RASL12: variants seen among roughly 807,000 people sequenced by gnomAD.
The protein encoded by RASL12 is ras-like protein family member 12.
Under a neutral mutation model 22.9 loss-of-function variants are expected in RASL12, and 16 were observed. The ratio of observed to expected loss-of-function variants is 0.70; its 90% CI spans 0.47 to 1.06. The LOEUF (loss-of-function observed/expected upper bound fraction) is 1.06, where lower values mean the gene tolerates loss of function less well. Among genes scored for constraint, RASL12 ranks in the 50% least tolerant of loss-of-function variants. RASL12 has a pLI of 0.00. For synonymous variants in RASL12, 159 were observed against 152.2 expected (o/e 1.04, Z -0.33); for missense variants, 306 against 353.1 (o/e 0.87, Z 1.07).
chr15:65,060,908 A>T (rs1343347501), intron 2 of RASL12, among the ~76,000 whole-genome samples: 1 of 152,210 alleles, frequency 6.6e-6, no homozygotes. Context: ...GGACTTGGAT[A>T]AATAGCTGCT....
chr15:65,055,915 A>T (rs902422568), intron 4 of RASL12, among the ~76,000 whole-genome samples: 1 of 152,168 alleles, frequency 6.6e-6, no homozygotes, highest in African/African-American at 2.4e-5. Flanking sequence ...AGGAGAGGGC[A>T]GGGGGGACAA....
chr15:65,067,374 T>A (rs1350555139), intron 1 of RASL12, among the ~76,000 whole-genome samples: 1 of 138,470 alleles, frequency 7.2e-6, no homozygotes, highest in Non-Finnish European at 1.6e-5. Context: ...GGGGTGGGGG[T>A]TGGAAGGTTG....
upstream of RASL12, chr15:65,068,057 T>G: frequency 2.1e-5 from 23 of 1,078,540 alleles, no homozygotes; most frequent in East Asian, 6.1e-5. The surrounding 1 kb of genome is among the most constrained non-coding windows in gnomAD (Gnocchi z 4.2). Flanking sequence ...CGCCACCAAA[T>G]TCCTTGTAAG....
At chr15:65,065,337 T>C in intron 1 of RASL12, 64 bp from the exon 2 acceptor site, 1 of 1,486,326 alleles carries the variant, frequency 6.7e-7, no homozygotes, top group Admixed American at 1.9e-5. Flanking sequence ...GGCCCCTCGT[T>C]TAAGGGAGGC....
chr15:65,055,469 CA>C (rs1387641001), intron 4 of RASL12, among the ~76,000 whole-genome samples, 195 bp from the exon 5 acceptor site: 2 of 152,234 alleles, frequency 1.3e-5, no homozygotes, highest in African/African-American at 4.8e-5. Flanking sequence ...TTACGAAAGA[CA>C]ATTTGTTTCA....
the RASL12 span, among the ~76,000 whole-genome samples, chr15:65,047,310 TG>T: frequency 2.5e-4 from 37 of 150,888 alleles, no homozygotes; most frequent in East Asian, 5.8e-4. Flanking sequence ...CACTCCAGCC[TG>T]GGCAGCAAAA....
intron 2 of RASL12, among the ~76,000 whole-genome samples, chr15:65,061,943 G>A (rs549529720): frequency 7.2e-4 from 110 of 151,848 alleles, no homozygotes; most frequent in Non-Finnish European, 8.2e-4. Flanking sequence ...CCAGCTACTC[G>A]GGTGGCAGGC....
chr15:65,054,576 G>A lies in RASL12; in HGVS notation c.*323C>T. Reference sequence around the variant, plus strand: ...AGCTGGCCCAACTGTAGCTGGAGCAGGAAGGGCTGATGGCAGCAGGATAGA... The same window carrying A: ...AGCTGGCCCAACTGTAGCTGGAGCAAGAAGGGCTGATGGCAGCAGGATAGA... On this transcript the variant is annotated 3_prime_UTR_variant, in exon 5 of 5. Transcript: ENST00000220062. The A allele has an allele frequency of 8.9e-7, 1 of 1,126,438 alleles. No individual in the cohort carries two copies. The highest frequency in any genetic ancestry group is 1.1e-6 in the Non-Finnish European group (1 of 917,526). The allele number at this position is 1,126,438 out of a possible 1,614,324, so 69.8% of individuals were successfully genotyped here. A position where few individuals can be genotyped will look rare whatever the true frequency, so the allele number is the denominator to read the frequency against.
chr15:65,067,675 TC>T, intron 1 of RASL12, 57 bp downstream of exon 1: 6 of 1,488,842 alleles, frequency 4.0e-6, no homozygotes, highest in South Asian at 2.5e-5. Flanking sequence ...CAGCCCACTG[TC>T]CCCCCACCCA....
downstream of RASL12, chr15:65,049,295 C>G (rs994743976): frequency 1.9e-5 from 2 of 107,750 alleles, no homozygotes; most frequent in African/African-American, 3.7e-5. Flanking sequence ...TCTTCCCTTG[C>G]AAATAACAGA....
intron 4 of RASL12, 99 bp from the exon 5 acceptor site, chr15:65,055,373 G>T: frequency 2.7e-6 from 3 of 1,106,782 alleles, no homozygotes; most frequent in Non-Finnish European, 3.8e-6. Flanking sequence ...TAGCTGGGTG[G>T]CCTGGGGTCA....
chr15:65,068,037 C>A, upstream of RASL12: 1 of 1,116,242 alleles, frequency 9.0e-7, no homozygotes, highest in South Asian at 4.5e-5. The surrounding 1 kb of genome is among the most constrained non-coding windows in gnomAD (Gnocchi z 4.2). Context: ...GCGGGCGGGG[C>A]CACCCCAAGC....
intron 2 of RASL12, among the ~76,000 whole-genome samples, chr15:65,064,001 A>C (rs2086845885): frequency 6.6e-6 from 1 of 152,224 alleles, no homozygotes; most frequent in African/African-American, 2.4e-5. Context: ...TGAATGGGGA[A>C]AATAATCCAA....
upstream of RASL12, among the ~76,000 whole-genome samples, chr15:65,069,356 G>C (rs1165267080): frequency 6.6e-6 from 1 of 152,228 alleles, no homozygotes; most frequent in Non-Finnish European, 1.5e-5. Context: ...TTGAGTTGTA[G>C]GAGTTGAGAA....
At chr15:65,070,619 C>G (rs1433583223), upstream of RASL12, among the ~76,000 whole-genome samples, 1 of 152,176 alleles carries the variant, frequency 6.6e-6, no homozygotes, top group African/African-American at 2.4e-5. Context: ...TCAATAGATA[C>G]CTCTGGAGTG....
intron 1 of RASL12, 50 bp from the exon 2 acceptor site, chr15:65,065,323 T>C (rs2086863580): frequency 1.3e-6 from 2 of 1,565,050 alleles, no homozygotes; most frequent in African/African-American, 2.7e-5. Flanking sequence ...CATGTCTAGC[T>C]GCTGGCCCCT....
chr15:65,068,957 C>A (rs375365478), upstream of RASL12, among the ~76,000 whole-genome samples: 4 of 152,180 alleles, frequency 2.6e-5, no homozygotes, highest in African/African-American at 7.2e-5. The surrounding 1 kb of genome is among the most constrained non-coding windows in gnomAD (Gnocchi z 4.2). Context: ...TCCAGGCCTG[C>A]GTACATTCTA....
Position 65,055,226 on chromosome 15 carries a change from G to A in RASL12, c.474C>T (p.Cys158=), listed in dbSNP as rs2086716118. 6.2e-7 allele frequency: 1 copy of A among 1,605,612 alleles called. No individual in the cohort carries two copies. Among genetic ancestry groups the A allele is most frequent in the African/African-American group, 1.3e-5 (1 of 74,828 alleles). Residue 158 remains cysteine (C), a synonymous_variant, in exon 5 of 5, where the codon TGC becomes TGT. Coordinates refer to ENST00000220062, the MANE Select transcript of RASL12 (RefSeq NM_016563.4). ...GACAGGCAGAGACCTCGAAAAACAG[G>A]CACCCAAACCTGCCTGCCAAAGCCA... is the stretch of plus-strand genomic sequence containing the variant. ...EGVALAGRFG[C]LFFEVSACLD...
the RASL12 span, among the ~76,000 whole-genome samples, chr15:65,048,063 A>G: frequency 6.6e-6 from 1 of 152,022 alleles, no homozygotes; most frequent in Non-Finnish European, 1.5e-5. Context: ...CTGTAGTCCC[A>G]CTACTTGGGA....
Sources: allele counts gnomAD v4.1 joint callset (sites outside exome capture counted in the v4.1 genomes callset), GRCh38; gene constraint gnomAD v4.1.1; non-coding constraint Gnocchi (gnomAD v3.1); transcripts MANE v1.5; gene names NCBI Gene and HGNC (gene_info 2026-07-23, HGNC 2026-07-21).